NUDT19: variants seen among roughly 807,000 people sequenced by gnomAD.
NUDT19 encodes the protein acyl-coenzyme A diphosphatase NUDT19.
In NUDT19, 31 loss-of-function variants were observed where a neutral mutation model predicts 22.2. The ratio of observed to expected loss-of-function variants is 1.40; its 90% CI spans 1.05 to 1.89. NUDT19 has a LOEUF of 1.89. Among genes scored for constraint, NUDT19 ranks in the 40% most tolerant of loss-of-function variants. The probability of loss-of-function intolerance (pLI) is 0.00; values close to 1 mark genes in which losing one functional copy is unlikely to be tolerated. For synonymous variants in NUDT19, 325 were observed against 230.8 expected (o/e 1.41, Z -3.70); for missense variants, 752 against 514.2 (o/e 1.46, Z -4.47).
chr19:32,696,109 C>T lies in NUDT19; in HGVS notation c.714+3435C>T, dbSNP rs537500539. Among the ~76,000 whole-genome samples the T allele has an allele frequency of 2.3e-4, 35 of 152,282 alleles. No individual in the cohort carries two copies. The South Asian group carries it at 7.3e-3, about 32-fold the overall frequency. ...ACTACCTGTTGGCAGCCATGCTTGA[C>T]CCGCTCCCTATCCTCTGGGAGAAAA... On this transcript the variant is annotated intron_variant, in intron 1 of 2. Coordinates refer to ENST00000397061, the MANE Select transcript of NUDT19 (RefSeq NM_001105570.2).
chr19:32,702,999 G>C (rs1011833149), intron 1 of NUDT19, among the ~76,000 whole-genome samples: 5 of 151,366 alleles, frequency 3.3e-5, no homozygotes, highest in Non-Finnish European at 5.9e-5. Context: ...TTTTGCTTTA[G>C]ACCATCAATT....
In NUDT19 at chr19:32,692,428, C is replaced by G; in HGVS notation, c.468C>G (p.Leu156=). ...CAGGCCCAGCACCCGGGCCTGGCCT[C>G]GCCCTGGAGCCACCGCCGGGCCTGG... The part of the protein sequence containing the change: ...SPPGPAPGPG[L]ALEPPPGLAS... The change falls in exon 1 of 3, where the codon CTC becomes CTG. Residue 156 remains leucine, a synonymous_variant. Transcript: ENST00000397061. 6.4e-7 allele frequency: 1 copy of G among 1,551,142 alleles called. No individual in the cohort carries two copies. The highest frequency in any genetic ancestry group is 8.7e-7 in the Non-Finnish European group (1 of 1,155,576).
chr19:32,692,400 CACCAG>C lies in NUDT19; in HGVS notation c.441_445del (p.Gly149SerfsTer63). The C allele has an allele frequency of 6.3e-7, 1 of 1,575,082 alleles. No homozygotes were observed. Among genetic ancestry groups the C allele is most frequent in the South Asian group, 1.1e-5 (1 of 88,738 alleles). On this transcript the variant is annotated frameshift_variant, in exon 1 of 3. Coordinates refer to ENST00000397061, the MANE Select transcript of NUDT19 (RefSeq NM_001105570.2). LOFTEE classifies it high-confidence loss of function. ...CTGCTGCTGCGGCCCAGGACTTCCCCACCAGGCCCAGCACCCGGGCCTGGCCTCGC... is the reference window on the plus strand; with the variant it reads ...CTGCTGCTGCGGCCCAGGACTTCCCCGCCCAGCACCCGGGCCTGGCCTCGC...
chr19:32,693,177 G>T (rs184590528), intron 1 of NUDT19, among the ~76,000 whole-genome samples: 2 of 152,302 alleles, frequency 1.3e-5, no homozygotes, highest in South Asian at 2.1e-4. Context: ...GCGGACCCTC[G>T]AAGTGAGTGT....
At chr19:32,693,952 C>T (rs182571279) in intron 1 of NUDT19, among the ~76,000 whole-genome samples, 181 of 152,342 alleles carry the variant, frequency 1.2e-3, no homozygotes, top group Middle Eastern at 3.4e-3. Flanking sequence ...AGGGGCCCTG[C>T]AGTTGTAGTG....
At position 32,692,628 on chromosome 19, in the gene NUDT19, A is replaced by G. The variant is rs527921465; in HGVS notation, c.668A>G (p.Glu223Gly). Residue 223 changes from glutamate (E) to glycine (G), a missense_variant, in exon 1 of 3, where the codon GAG (glutamate) becomes GGG (glycine). Physicochemically the swap from Glu to Gly is moderately conservative, Grantham distance 98. Coordinates refer to ENST00000397061, the MANE Select transcript of NUDT19 (RefSeq NM_001105570.2). ...GCCTTCTTCCTGTGCTGCCTGCGCG[A>G]GCCGCCGCCCGTCTACCCCGACTTG... Reference protein sequence around the residue: ...DTAFFLCCLREPPPVYPDLAE... With the variant: ...DTAFFLCCLRGPPPVYPDLAE... The G allele has an allele frequency of 5.2e-6, 8 of 1,533,244 alleles. No individual in the cohort carries two copies. Among genetic ancestry groups the G allele is most frequent in the Middle Eastern group, 2.0e-4 (1 of 5,018 alleles). 95.0% of individuals were successfully genotyped at this position (1,533,244 alleles called of 1,614,324 possible). A position where few individuals can be genotyped will look rare whatever the true frequency, so the allele number is the denominator to read the frequency against.
chr19:32,692,687 C>T lies in NUDT19; in HGVS notation c.714+13C>T, dbSNP rs764713123. 10 of 1,455,160 alleles carry T rather than the reference C, an allele frequency of 6.9e-6. No individual in the cohort carries two copies. The highest frequency in any genetic ancestry group is 9.0e-6 in the Non-Finnish European group (10 of 1,110,568). The allele number at this position is 1,455,160 out of a possible 1,614,324, so 90.1% of individuals were successfully genotyped here. ...GGTGGGCTACCAGGTAAGGCCTGCTCAGGGCCTTGCTGCGGACCGCCAGGA... is the reference window on the plus strand; with the variant it reads ...GGTGGGCTACCAGGTAAGGCCTGCTTAGGGCCTTGCTGCGGACCGCCAGGA... On this transcript the variant is annotated intron_variant, in intron 1 of 2. Transcript: ENST00000397061.
At chr19:32,699,423 C>T (rs890442820) in intron 1 of NUDT19, among the ~76,000 whole-genome samples, 1 of 152,182 alleles carries the variant, frequency 6.6e-6, no homozygotes, top group Non-Finnish European at 1.5e-5. Context: ...GACCCCGGAG[C>T]TGAATGGCTT....
At position 32,709,234 on chromosome 19, in the gene NUDT19, G is replaced by C; in HGVS notation, c.764G>C (p.Trp255Ser). ...ATESFLSKEI[W>S]LPPPQFYEVR... ...GAAAGTTTCTTATCAAAAGAAATTT[G>C]GTTGCCACCCCCACAGTTCTACGAA... Residue 255 changes from tryptophan (W) to serine (S), a missense_variant, in exon 2 of 3, where the codon TGG becomes TCG. Transcript: ENST00000397061. 3.1e-6 allele frequency: 5 copies of C among 1,614,018 alleles called. No individual in the cohort carries two copies. The highest frequency in any genetic ancestry group is 2.7e-5 in the African/African-American group (2 of 75,016).
intron 1 of NUDT19, among the ~76,000 whole-genome samples, chr19:32,701,651 T>G (rs1227121671): frequency 6.6e-6 from 1 of 152,232 alleles, no homozygotes; most frequent in Non-Finnish European, 1.5e-5. Context: ...TGTAAGGTAC[T>G]GACTGTATCT....
Position 32,709,388 on chromosome 19 carries a change from AC to A in NUDT19, c.920del (p.Pro307GlnfsTer7), listed in dbSNP as rs140754975. On this transcript the variant is annotated frameshift_variant, in exon 2 of 3. Transcript: ENST00000397061. LOFTEE classifies it low-confidence loss of function (END_TRUNC). ...CTGCTGATGGGATGGTCCATCTTTT[AC>A]CAGGTAAACCAGTGAAGCATCGGTG... ...LTADGMVHLLPGDELYLEDSD... is the reference protein window; with the variant it reads ...LTADGMVHLLXGDELYLEDSD... 3.7e-6 allele frequency: 6 copies of A among 1,613,368 alleles called. No homozygotes were observed. In the East Asian group the frequency reaches 1.1e-4, roughly 30 times the overall value.
rs780146322 is a variant in NUDT19 at position 32,692,320 on chromosome 19, G to C, written c.360G>C (p.Glu120Asp). 2 of 1,593,072 alleles carry C rather than the reference G, an allele frequency of 1.3e-6. No homozygotes were observed. The highest frequency in any genetic ancestry group is 2.2e-5 in the South Asian group (2 of 90,458). Residue 120 changes from glutamate (E) to aspartate (D), a missense_variant, in exon 1 of 3, where the codon GAG becomes GAC. Transcript: ENST00000397061. The stretch of plus-strand genomic sequence containing the variant: ...CCGACAACACTGGGACGCTGCCTGA[G>C]GACGTAGCCTTCCGCATCTGCGCCG... Reference protein sequence around the residue: ...HKTDNTGTLPEDVAFRICAVR... With the variant: ...HKTDNTGTLPDDVAFRICAVR...
chr19:32,697,191 T>G (rs1968274301), intron 1 of NUDT19, among the ~76,000 whole-genome samples: 2 of 152,124 alleles, frequency 1.3e-5, no homozygotes, highest in Admixed American at 6.6e-5. Flanking sequence ...TCTGCGGCCT[T>G]TCTATTATCT....
chr19:32,695,980 G>A (rs1968259305), intron 1 of NUDT19, among the ~76,000 whole-genome samples: 2 of 152,144 alleles, frequency 1.3e-5, no homozygotes, highest in Non-Finnish European at 1.5e-5. Context: ...CCTGCCCTTC[G>A]TATCCCATTT....
intron 1 of NUDT19, among the ~76,000 whole-genome samples, chr19:32,708,393 C>T (rs1407412090): frequency 6.6e-6 from 1 of 150,644 alleles, no homozygotes; most frequent in Non-Finnish European, 1.5e-5. Flanking sequence ...GGCCACTGCA[C>T]TCCAGCCTGG....
chr19:32,694,933 AATCGCCCAG>A (rs1968246026), intron 1 of NUDT19, among the ~76,000 whole-genome samples: 1 of 152,118 alleles, frequency 6.6e-6, no homozygotes, highest in Non-Finnish European at 1.5e-5. Flanking sequence ...CTTTTTCCTT[AATCGCCCAG>A]GAGGAAACAT....
intron 1 of NUDT19, among the ~76,000 whole-genome samples, chr19:32,703,781 G>C (rs1968359874): frequency 6.9e-6 from 1 of 144,664 alleles, no homozygotes; most frequent in African/African-American, 2.6e-5. Context: ...TCCTGCCTCA[G>C]CCTCCCGAGT....
chr19:32,693,008 C>T (rs1156337480), intron 1 of NUDT19, among the ~76,000 whole-genome samples: 1 of 149,634 alleles, frequency 6.7e-6, no homozygotes, highest in Admixed American at 6.6e-5. Flanking sequence ...GGAGAACAGA[C>T]TTAATATGAT....
At chr19:32,707,344 T>C (rs990915974) in intron 1 of NUDT19, among the ~76,000 whole-genome samples, 4 of 152,180 alleles carry the variant, frequency 2.6e-5, no homozygotes, top group African/African-American at 9.7e-5. Flanking sequence ...GGGGACTCAC[T>C]GAACTCATAG....
Sources: gnomAD v4.1 joint callset for allele counts (sites outside exome capture counted in the v4.1 genomes callset) on GRCh38, gnomAD v4.1.1 for gene constraint, MANE v1.5 for transcripts, NCBI Gene and HGNC (gene_info 2026-07-23, HGNC 2026-07-21) for gene names.